The following DPP6 variants were observed in gnomAD, a reference collection of about 807,000 sequenced individuals.
The protein encoded by DPP6 is dipeptidyl peptidase like 6.
DPP6 carries 69 observed loss-of-function variants against 122.6 expected under a neutral mutation model. That is an observed-to-expected ratio of 0.56 (90% CI 0.46 to 0.69). The LOEUF (loss-of-function observed/expected upper bound fraction) is 0.69. DPP6 is among the 30% of genes least tolerant of loss of function. DPP6 has a pLI of 0.00. For missense variants in DPP6, 928 were observed against 1,116.9 expected (o/e 0.83, Z 2.41); for synonymous variants, 418 against 433.1 (o/e 0.97, Z 0.43).
intron 1 of DPP6, among the ~76,000 whole-genome samples, chr7:154,272,183 C>T (rs971908247): frequency 2.0e-5 from 3 of 152,216 alleles, no homozygotes; most frequent in Non-Finnish European, 4.4e-5. Context: ...ACCTAAGCAT[C>T]TGTATCTTCT....
intron 16 of DPP6, among the ~76,000 whole-genome samples, chr7:154,830,875 A>G (rs570744141): frequency 4.8e-4 from 73 of 152,362 alleles, no homozygotes; most frequent in Non-Finnish European, 3.5e-4. Flanking sequence ...CCTTCATTCT[A>G]TCACCAGGCT....
chr7:153,846,841 T>C, the DPP6 span, among the ~76,000 whole-genome samples: 39,022 of 151,654 alleles, frequency 0.26, 5,246 homozygotes, highest in South Asian at 0.45. Flanking sequence ...TACAGGCACC[T>C]GCCACCACGC....
chr7:153,823,696 T>C, the DPP6 span, among the ~76,000 whole-genome samples: 1 of 151,678 alleles, frequency 6.6e-6, no homozygotes, highest in Admixed American at 6.6e-5. Context: ...GCTGGGAAGA[T>C]TCCATGTCTT....
chr7:153,814,492 G>T, the DPP6 span, among the ~76,000 whole-genome samples: 1 of 152,048 alleles, frequency 6.6e-6, no homozygotes, highest in Non-Finnish European at 1.5e-5. Flanking sequence ...AAAGAGTCCA[G>T]GACCAGATGG....
At chr7:154,087,984 G>T (rs1427192944) in intron 1 of DPP6, among the ~76,000 whole-genome samples, 1 of 152,248 alleles carries the variant, frequency 6.6e-6, no homozygotes, top group African/African-American at 2.4e-5. Context: ...GCAGAGCCTG[G>T]TTCTTGTGTC....
intron 5 of DPP6, among the ~76,000 whole-genome samples, chr7:154,582,493 A>G (rs1832138338): frequency 6.6e-6 from 1 of 152,132 alleles, no homozygotes; most frequent in African/African-American, 2.4e-5. Context: ...GAGTGGACAG[A>G]GGAGGGAGGA....
At chr7:154,681,526 T>A (rs1839279152) in intron 7 of DPP6, among the ~76,000 whole-genome samples, 1 of 152,218 alleles carries the variant, frequency 6.6e-6, no homozygotes, top group Non-Finnish European at 1.5e-5. Flanking sequence ...CCATGGCAGA[T>A]CCTGTTTCTC....
intron 6 of DPP6, among the ~76,000 whole-genome samples, chr7:154,655,461 A>G (rs944105773): frequency 6.6e-6 from 1 of 152,010 alleles, no homozygotes; most frequent in African/African-American, 2.4e-5. Context: ...TACCCAGGAG[A>G]TGATTCATCA....
At chr7:154,071,412 C>T (rs146932856) in intron 1 of DPP6, among the ~76,000 whole-genome samples, 3 of 152,210 alleles carry the variant, frequency 2.0e-5, no homozygotes, top group Non-Finnish European at 2.9e-5. Flanking sequence ...TGAGAATTCA[C>T]GTGTTTCTGA....
At chr7:154,167,392 T>G (rs570630214) in intron 1 of DPP6, among the ~76,000 whole-genome samples, 85 of 152,190 alleles carry the variant, frequency 5.6e-4, no homozygotes, top group Non-Finnish European at 1.1e-3. Context: ...GAGCTATAGG[T>G]GCTGGGTGAG....
intron 1 of DPP6, among the ~76,000 whole-genome samples, chr7:154,327,940 A>G (rs1808591717): frequency 6.6e-6 from 1 of 152,206 alleles, no homozygotes; most frequent in Non-Finnish European, 1.5e-5. Context: ...ATGGAATAGA[A>G]ATATGCATTA....
chr7:154,056,643 A>G (rs1800838948), intron 1 of DPP6, among the ~76,000 whole-genome samples: 1 of 152,182 alleles, frequency 6.6e-6, no homozygotes, highest in South Asian at 2.1e-4. Flanking sequence ...CAAATTGGTT[A>G]AAACTGGGAT....
At chr7:154,799,996 C>G (rs892121381) in intron 12 of DPP6, among the ~76,000 whole-genome samples, 1 of 152,148 alleles carries the variant, frequency 6.6e-6, no homozygotes. Flanking sequence ...TGCTTCTGGC[C>G]AGAATTAATT....
intron 5 of DPP6, among the ~76,000 whole-genome samples, chr7:154,575,676 G>C (rs1001961966): frequency 7.1e-6 from 1 of 141,108 alleles, no homozygotes; most frequent in Non-Finnish European, 1.5e-5. Context: ...TATGTGTGTG[G>C]TGTGTGTGGT....
At chr7:154,298,076 C>T (rs544314507) in intron 1 of DPP6, among the ~76,000 whole-genome samples, 42 of 152,200 alleles carry the variant, frequency 2.8e-4, no homozygotes, top group African/African-American at 9.2e-4. Flanking sequence ...GGGCCTCGTC[C>T]GATTAGTTGA....
At chr7:154,031,328 C>T (rs1422782931) in intron 1 of DPP6, among the ~76,000 whole-genome samples, 1 of 149,028 alleles carries the variant, frequency 6.7e-6, no homozygotes, top group Non-Finnish European at 1.5e-5. Flanking sequence ...TCTGTCATCT[C>T]AGACTCTAAA....
In DPP6 at chr7:154,567,019, C is replaced by T. The variant is rs41274997; in HGVS notation, c.627+103C>T. The T allele has an allele frequency of 2.4e-3, 2,000 of 840,424 alleles. 6 individuals are homozygous for T. Among genetic ancestry groups the T allele is most frequent in the Non-Finnish European group, 3.2e-3 (1,721 of 538,660 alleles). The allele number at this position is 840,424 out of a possible 1,614,324, so 52.1% of individuals were successfully genotyped here. A position where few individuals can be genotyped will look rare whatever the true frequency, so the allele number is the denominator to read the frequency against. Reference sequence around the variant, plus strand: ...TTCTATACTTAGTGATCTTTGAATCCAGAAATACTTTGTACATCCTGGAAG... The same window carrying T: ...TTCTATACTTAGTGATCTTTGAATCTAGAAATACTTTGTACATCCTGGAAG... On this transcript the variant is annotated intron_variant, in intron 5 of 25. Coordinates refer to ENST00000377770, the MANE Select transcript of DPP6 (RefSeq NM_130797.4).
chr7:154,224,604 A>G (rs1231160981), intron 1 of DPP6, among the ~76,000 whole-genome samples: 1 of 149,342 alleles, frequency 6.7e-6, no homozygotes, highest in Admixed American at 6.6e-5. Flanking sequence ...ATTAAATACC[A>G]TATGTGGTGA....
chr7:154,662,922 T>C (rs1164843825), intron 6 of DPP6, among the ~76,000 whole-genome samples: 1 of 63,416 alleles, frequency 1.6e-5, no homozygotes, highest in Non-Finnish European at 4.2e-5. Flanking sequence ...AGTGTTCATA[T>C]AGTCATGGTG....
Sources: allele counts gnomAD v4.1 joint callset (sites outside exome capture counted in the v4.1 genomes callset), GRCh38; gene constraint gnomAD v4.1.1; transcripts MANE v1.5; gene names NCBI Gene and HGNC (gene_info 2026-07-23, HGNC 2026-07-21).